The following FAM161A variants were observed in gnomAD, a reference collection of about 807,000 sequenced individuals.
FAM161A encodes protein FAM161A.
FAM161A carries 57 observed loss-of-function variants against 70.9 expected under a neutral mutation model. That is an observed-to-expected ratio of 0.80 (90% confidence interval 0.65 to 1.00). FAM161A has a LOEUF of 1.00. FAM161A is among the 50% of genes least tolerant of loss of function. The pLI is 0.00. For missense variants in FAM161A, 880 were observed against 836.0 expected, an observed-to-expected ratio of 1.05 and a Z score of -0.65; for synonymous variants, 299 against 295.7, an observed-to-expected ratio of 1.01 and a Z score of -0.12.
At chr2:61,838,825 T>C in intron 3 of FAM161A, 120 bp from the exon 4 acceptor site, 1 of 484,868 alleles carries the variant, frequency 2.1e-6, no homozygotes, top group Non-Finnish European at 3.3e-6. Flanking sequence ...GGTAACCTTT[T>C]GAAAAGGATC....
chr2:61,832,492 A>G (rs1169500677), intron 5 of FAM161A, among the ~76,000 whole-genome samples: 6 of 152,234 alleles, frequency 3.9e-5, no homozygotes, highest in African/African-American at 1.2e-4. Context: ...AATCCAGGTT[A>G]ATATCTAACT....
chr2:61,816,634 A>AT, the FAM161A span, among the ~76,000 whole-genome samples: 2 of 151,630 alleles, frequency 1.3e-5, no homozygotes, highest in Non-Finnish European at 2.9e-5. Context: ...TAATTTTTGT[A>AT]TTTTTTGTAG....
chr2:61,841,492 T>C (rs921120959), intron 2 of FAM161A, among the ~76,000 whole-genome samples: 6 of 152,220 alleles, frequency 3.9e-5, no homozygotes, highest in Non-Finnish European at 7.3e-5. Context: ...TCTGAAAGCT[T>C]GGCATGACCA....
chr2:61,842,137 A>C lies in FAM161A; in HGVS notation c.407T>G (p.Leu136Arg). The change falls in exon 2 of 7, where the codon CTT (leucine) becomes CGT (arginine). Residue 136 changes from leucine to arginine, a missense_variant. Transcript: ENST00000404929. ...ACAAGCTTACCTGGAAGAGTCACTA[A>C]GAGAGTCTTCTCTGATGACCACTGG... is the stretch of plus-strand genomic sequence containing the variant. ...VQPVVIREDS[L>R]SDSSRSVSEK... 2 of 1,590,732 alleles carry C rather than the reference A, an allele frequency of 1.3e-6. No homozygotes were observed. The highest frequency in any genetic ancestry group is 1.7e-6 in the Non-Finnish European group (2 of 1,158,720).
the FAM161A span, among the ~76,000 whole-genome samples, chr2:61,810,430 G>A: frequency 6.7e-6 from 1 of 150,110 alleles, no homozygotes; most frequent in Non-Finnish European, 1.5e-5. Flanking sequence ...GGTTCCCTGG[G>A]GGATTTAGGT....
chr2:61,848,070 A>G (rs1295862170), intron 1 of FAM161A, among the ~76,000 whole-genome samples: 1 of 152,202 alleles, frequency 6.6e-6, no homozygotes, highest in Non-Finnish European at 1.5e-5. Context: ...TATTTCAAAG[A>G]ACTGTTTTTA....
Position 61,853,875 on chromosome 2 carries a change from T to G in FAM161A, c.167A>C (p.Gln56Pro). ...LEDEEEEKVA[Q>P]PAGASADLNT... ...CAGTATTACCGATGCCCCAGCGGGC[T>G]GAGCCACTTTCTCCTCCTCTTCGTC... Residue 56 changes from glutamine to proline, a missense_variant, in exon 1 of 7, where the codon CAG becomes CCG. Physicochemically the swap from Gln to Pro is moderately conservative, Grantham distance 76 (BLOSUM62 -1). Transcript: ENST00000404929. The G allele has an allele frequency of 6.2e-7, 1 of 1,613,926 alleles. No homozygotes were observed.
In FAM161A at chr2:61,825,915, G is replaced by C. The variant is rs193040078; in HGVS notation, c.*540C>G. The C allele has an allele frequency of 9.2e-4, 417 of 454,118 alleles. 2 individuals are homozygous for C. Among genetic ancestry groups the C allele is most frequent in the African/African-American group, 7.8e-3 (391 of 50,084 alleles). The allele number at this position is 454,118 out of a possible 1,614,324, so 28.1% of individuals were successfully genotyped here. A position where few individuals can be genotyped will look rare whatever the true frequency, so the allele number is the denominator to read the frequency against. On this transcript the variant is annotated 3_prime_UTR_variant, in exon 7 of 7. Coordinates refer to ENST00000404929, the MANE Select transcript of FAM161A (RefSeq NM_001201543.2). ...GCCTCCCAAAATGCTGGGATTACAGGCATGAGCCACCATACCCGGCGTTTT... is the reference window on the plus strand; with the variant it reads ...GCCTCCCAAAATGCTGGGATTACAGCCATGAGCCACCATACCCGGCGTTTT...
the FAM161A span, among the ~76,000 whole-genome samples, chr2:61,800,248 C>T: frequency 7.9e-3 from 1,201 of 152,224 alleles, 9 homozygotes; most frequent in Non-Finnish European, 0.011. Context: ...GATCTTGTTA[C>T]TTGGTTTTAT....
intron 5 of FAM161A, among the ~76,000 whole-genome samples, chr2:61,832,325 C>T (rs1432419629): frequency 6.6e-6 from 1 of 150,668 alleles, no homozygotes; most frequent in Non-Finnish European, 1.5e-5. Context: ...ATGAAAAATA[C>T]CAAAGGAATA....
the FAM161A span, among the ~76,000 whole-genome samples, chr2:61,808,132 T>C: frequency 6.6e-6 from 1 of 152,322 alleles, no homozygotes; most frequent in East Asian, 1.9e-4. Context: ...CCACCTGCTG[T>C]CTGCCAATCT....
chr2:61,842,586 T>C (rs1475035468), intron 1 of FAM161A, among the ~76,000 whole-genome samples: 1 of 152,218 alleles, frequency 6.6e-6, no homozygotes, highest in Non-Finnish European at 1.5e-5. Context: ...AGAAAATAAA[T>C]GTTATTTAAT....
downstream of FAM161A, among the ~76,000 whole-genome samples, chr2:61,823,739 T>A (rs1672261547): frequency 1.3e-5 from 2 of 151,804 alleles, no homozygotes; most frequent in Non-Finnish European, 2.9e-5. Flanking sequence ...CTCCAATAAG[T>A]CCCCAGGCCA....
chr2:61,853,222 T>A (rs1373170310), intron 1 of FAM161A, among the ~76,000 whole-genome samples: 3 of 152,162 alleles, frequency 2.0e-5, no homozygotes, highest in Admixed American at 6.5e-5. Context: ...GATTCCCATC[T>A]TTTAAGTGAA....
At chr2:61,813,120 A>G in the FAM161A span, among the ~76,000 whole-genome samples, 2 of 151,944 alleles carry the variant, frequency 1.3e-5, no homozygotes, top group Non-Finnish European at 2.9e-5. Context: ...GTCTTGTGTT[A>G]TGTTCTTATG....
At chr2:61,850,738 G>A (rs1212991198) in intron 1 of FAM161A, among the ~76,000 whole-genome samples, 1 of 152,122 alleles carries the variant, frequency 6.6e-6, no homozygotes, top group Non-Finnish European at 1.5e-5. Flanking sequence ...GGACAAGAGA[G>A]TGAAACTCTG....
chr2:61,834,782 C>T (rs1393526155), intron 5 of FAM161A, among the ~76,000 whole-genome samples: 1 of 151,776 alleles, frequency 6.6e-6, no homozygotes, highest in Non-Finnish European at 1.5e-5. Flanking sequence ...TTGTAACAAA[C>T]CTGCGCATAT....
downstream of FAM161A, among the ~76,000 whole-genome samples, chr2:61,823,489 C>T (rs1022289888): frequency 1.3e-5 from 2 of 151,392 alleles, no homozygotes; most frequent in Admixed American, 6.6e-5. Flanking sequence ...CTTAGCTTCC[C>T]GAGTATCTGG....
rs902200058 is a variant in FAM161A, at chr2:61,839,971, A to G, written c.1033T>C (p.Phe345Leu). The G allele has an allele frequency of 6.2e-7, 1 of 1,614,090 alleles. No individual in the cohort carries two copies. The highest frequency in any genetic ancestry group is 2.2e-5 in the East Asian group (1 of 44,896). The change falls in exon 3 of 7, where the codon TTT becomes CTT. Residue 345 changes from phenylalanine (F) to leucine (L), a missense_variant. Physicochemically the swap from Phe to Leu is conservative, Grantham distance 22. Transcript: ENST00000404929. ...TTTGTTTTCTTTTTATACTTAAGAA[A>G]GTCTCTCAGCTGCTTTTCCCGGGCT... The part of the protein sequence containing the change: ...RAAREKQLRD[F>L]LKYKKKTNRF...
Sources: allele counts gnomAD v4.1 joint callset (sites outside exome capture counted in the v4.1 genomes callset), GRCh38; gene constraint gnomAD v4.1.1; transcripts MANE v1.5; gene names NCBI Gene and HGNC (gene_info 2026-07-23, HGNC 2026-07-21).